Variants in PTPRD observed in about 807,000 individuals in gnomAD.
The protein encoded by PTPRD is receptor-type tyrosine-protein phosphatase delta.
In PTPRD, 34 loss-of-function variants were observed where a neutral mutation model predicts 214.5. That is an observed-to-expected ratio of 0.16 (90% CI 0.12 to 0.21). The LOEUF (loss-of-function observed/expected upper bound fraction) is 0.21. PTPRD is among the 10% of genes least tolerant of loss of function. PTPRD has a pLI of 1.00. For missense variants in PTPRD, 2,545 were observed against 2,398.7 expected (o/e 1.06, Z -1.27); for synonymous variants, 1,128 against 845.7 (o/e 1.33, Z -5.79).
At chr9:8,764,808 G>A (rs201609097) in intron 11 of PTPRD, among the ~76,000 whole-genome samples, 168 of 146,676 alleles carry the variant, frequency 1.1e-3, no homozygotes, top group African/African-American at 3.4e-3. Context: ...TAATAATAAT[G>A]ATAATAATAA....
intron 3 of PTPRD, among the ~76,000 whole-genome samples, chr9:10,235,349 T>C (rs1270805173): frequency 6.6e-6 from 1 of 151,946 alleles, no homozygotes; most frequent in African/African-American, 2.4e-5. Context: ...CCAGGACTTC[T>C]TAAAAACAAT....
Position 9,258,505 on chromosome 9 carries a change from G to T in PTPRD, c.-202-75142C>A, listed in dbSNP as rs191705123. On this transcript the variant is annotated intron_variant, in intron 9 of 45. Coordinates refer to ENST00000381196, the MANE Select transcript of PTPRD (RefSeq NM_002839.4). ...CTGTTAAGCTTCAGGTTGTACTGAT[G>T]TCACATTTTAGAATCAATAATGATA... Among the ~76,000 whole-genome samples, 12 of 151,930 alleles carry T rather than the reference G, an allele frequency of 7.9e-5. No homozygotes were observed. The East Asian group carries it at 2.3e-3, about 30-fold the overall frequency.
chr9:8,929,046 G>T (rs953093613), intron 11 of PTPRD, among the ~76,000 whole-genome samples: 2 of 152,162 alleles, frequency 1.3e-5, no homozygotes, highest in East Asian at 3.9e-4. Flanking sequence ...TTTGTATCCT[G>T]AGACTTTGCT....
At chr9:9,616,561 T>G (rs1337295988) in intron 7 of PTPRD, among the ~76,000 whole-genome samples, 2 of 152,168 alleles carry the variant, frequency 1.3e-5, no homozygotes, top group Non-Finnish European at 2.9e-5. Flanking sequence ...AGACCTAGTT[T>G]TATTATTATA....
At chr9:8,780,248 G>C (rs1057373978) in intron 11 of PTPRD, among the ~76,000 whole-genome samples, 2 of 152,238 alleles carry the variant, frequency 1.3e-5, no homozygotes, top group East Asian at 3.9e-4. Context: ...CACAGGATTA[G>C]GCCATTTATT....
At chr9:9,525,959 C>G (rs1256227596) in intron 8 of PTPRD, among the ~76,000 whole-genome samples, 1 of 152,046 alleles carries the variant, frequency 6.6e-6, no homozygotes, top group Non-Finnish European at 1.5e-5. Context: ...TCCTTTCAAA[C>G]CATCATTGTT....
chr9:9,720,444 A>G (rs1242161361), intron 7 of PTPRD, among the ~76,000 whole-genome samples: 4 of 152,210 alleles, frequency 2.6e-5, no homozygotes, highest in Non-Finnish European at 5.9e-5. Context: ...GGCGTTTTAC[A>G]TTCTTATTTA....
At chr9:9,372,493 G>A (rs1258123584) in intron 9 of PTPRD, among the ~76,000 whole-genome samples, 1 of 151,670 alleles carries the variant, frequency 6.6e-6, no homozygotes, top group Non-Finnish European at 1.5e-5. Context: ...CCTTTATTTT[G>A]AGCCTACGTG....
chr9:10,464,820 T>C (rs73644463), intron 2 of PTPRD, among the ~76,000 whole-genome samples: 7,642 of 152,182 alleles, frequency 0.05, 661 homozygotes, highest in African/African-American at 0.17. Context: ...TTGCTTATCA[T>C]TAAAAAATTC....
chr9:8,783,640 G>C (rs746384714), intron 11 of PTPRD, among the ~76,000 whole-genome samples: 7 of 152,126 alleles, frequency 4.6e-5, no homozygotes, highest in Non-Finnish European at 1.0e-4. Flanking sequence ...ATACCTCAAG[G>C]TGAAGCCCAC....
intron 11 of PTPRD, among the ~76,000 whole-genome samples, chr9:9,000,943 C>T (rs897705949): frequency 2.0e-5 from 3 of 151,872 alleles, no homozygotes; most frequent in African/African-American, 7.3e-5. Flanking sequence ...CTGAGTCATA[C>T]CTTAACCATA....
In PTPRD at chr9:8,814,471, T is replaced by A. The variant is rs76118530; in HGVS notation, c.-103-80525A>T. The stretch of plus-strand genomic sequence containing the variant: ...GCTGCAAACCTGAAGCTGAGACCAA[T>A]AGGAAGACCCCAGAAAGGGTGAGGT... On this transcript the variant is annotated intron_variant, in intron 11 of 45. Coordinates refer to ENST00000381196, the MANE Select transcript of PTPRD (RefSeq NM_002839.4). Among the ~76,000 whole-genome samples, 16 of 151,982 alleles carry A rather than the reference T, an allele frequency of 1.1e-4. No homozygotes were observed. The East Asian group carries it at 2.9e-3, about 28-fold the overall frequency.
intron 5 of PTPRD, among the ~76,000 whole-genome samples, chr9:9,882,664 T>C (rs1297096760): frequency 2.0e-5 from 3 of 152,168 alleles, no homozygotes; most frequent in Admixed American, 2.0e-4. Flanking sequence ...TCCATTTAGG[T>C]TGTGCATTAA....
chr9:9,876,702 A>G (rs564657931), intron 5 of PTPRD, among the ~76,000 whole-genome samples: 1 of 152,294 alleles, frequency 6.6e-6, no homozygotes, highest in Non-Finnish European at 1.5e-5. Context: ...GCTCTTTCTC[A>G]AATTTGCTTT....
intron 11 of PTPRD, among the ~76,000 whole-genome samples, chr9:8,784,221 A>C (rs534916361): frequency 2.0e-5 from 3 of 152,312 alleles, no homozygotes; most frequent in African/African-American, 7.2e-5. Context: ...AACTTATTTC[A>C]CTGTGGCAAA....
chr9:10,182,875 C>G (rs1012756378), intron 3 of PTPRD, among the ~76,000 whole-genome samples: 8 of 152,068 alleles, frequency 5.3e-5, no homozygotes, highest in African/African-American at 1.7e-4. Flanking sequence ...CTCTTATGCA[C>G]TAAAATATGA....
chr9:10,208,679 C>G (rs1564536776), intron 3 of PTPRD, among the ~76,000 whole-genome samples: 1 of 152,096 alleles, frequency 6.6e-6, no homozygotes, highest in Non-Finnish European at 1.5e-5. Flanking sequence ...CAAACATGCC[C>G]TGAATTTTTG....
At chr9:8,623,861 A>T (rs1443580904) in intron 14 of PTPRD, among the ~76,000 whole-genome samples, 1 of 151,906 alleles carries the variant, frequency 6.6e-6, no homozygotes, top group Non-Finnish European at 1.5e-5. Flanking sequence ...ATCACTTCCT[A>T]CACCAAGGTT....
chr9:10,545,239 A>G (rs898140417), intron 2 of PTPRD, among the ~76,000 whole-genome samples: 1 of 152,146 alleles, frequency 6.6e-6, no homozygotes, highest in African/African-American at 2.4e-5. Flanking sequence ...CTCAAAAGGT[A>G]CTGATGGAAG....
Sources: gnomAD v4.1 joint callset for allele counts (sites outside exome capture counted in the v4.1 genomes callset) on GRCh38, gnomAD v4.1.1 for gene constraint, MANE v1.5 for transcripts, NCBI Gene and HGNC (gene_info 2026-07-23, HGNC 2026-07-21) for gene names.